The following PVT1 variants were observed in gnomAD, a reference collection of about 807,000 sequenced individuals.
PVT1 encodes Pvt1 oncogene.
intron 4 of PVT1, chr8:127,999,033 C>T (rs1202565671): frequency 6.6e-6 from 1 of 152,174 alleles, no homozygotes; most frequent in East Asian, 1.9e-4. Context: ...GCTAGATGTG[C>T]TTGAGGTGTT....
chr8:127,999,953 C>T (rs75355373), intron 4 of PVT1, among the ~76,000 whole-genome samples: 1,608 of 152,262 alleles, frequency 0.011, 13 homozygotes, highest in Middle Eastern at 0.024. Context: ...AAAGAGACTC[C>T]GAAATGTGTC....
At chr8:128,007,940 C>T (rs551433986) in intron 4 of PVT1, among the ~76,000 whole-genome samples, 18 of 152,286 alleles carry the variant, frequency 1.2e-4, no homozygotes, top group African/African-American at 4.3e-4. Context: ...ACATTTCATA[C>T]TTGTTGACAG....
chr8:128,082,444 C>T (rs745881704), intron 5 of PVT1, among the ~76,000 whole-genome samples: 1 of 152,234 alleles, frequency 6.6e-6, no homozygotes, highest in Non-Finnish European at 1.5e-5. Context: ...CTTGTGACTT[C>T]TAGCTGCAAT....
chr8:128,071,697 A>AATAT (rs1228991215), intron 5 of PVT1, among the ~76,000 whole-genome samples: 1 of 150,364 alleles, frequency 6.7e-6, no homozygotes, highest in African/African-American at 2.4e-5. Flanking sequence ...AAAATAAATA[A>AATAT]ATAAATAAAT....
chr8:128,017,371 C>T (rs546339763), intron 4 of PVT1, among the ~76,000 whole-genome samples: 19 of 152,324 alleles, frequency 1.2e-4, no homozygotes, highest in African/African-American at 3.8e-4. Context: ...AAAAATTCTG[C>T]TGCCCGGTTC....
At chr8:127,850,081 T>G (rs1815091534) in intron 2 of PVT1, among the ~76,000 whole-genome samples, 1 of 152,138 alleles carries the variant, frequency 6.6e-6, no homozygotes, top group Admixed American at 6.5e-5. Context: ...TGCATATGCA[T>G]GGGTACACAG....
chr8:127,818,150 G>C (rs2074858720), intron 2 of PVT1, among the ~76,000 whole-genome samples: 1 of 152,174 alleles, frequency 6.6e-6, no homozygotes, highest in African/African-American at 2.4e-5. Context: ...GACTTGCCCA[G>C]GTGGGATTTC....
At chr8:128,053,675 G>A (rs1813726441) in intron 4 of PVT1, among the ~76,000 whole-genome samples, 1 of 152,170 alleles carries the variant, frequency 6.6e-6, no homozygotes, top group Non-Finnish European at 1.5e-5. Flanking sequence ...TGTGAGTGAT[G>A]TGAGTTTCTT....
At chr8:127,984,873 CTTTCTTTCTTTCTT>C (rs1470398315) in intron 3 of PVT1, among the ~76,000 whole-genome samples, 6 of 83,130 alleles carry the variant, frequency 7.2e-5, no homozygotes, top group Non-Finnish European at 9.9e-5. Flanking sequence ...TTCTTTCTTT[CTTTCTTTCTTTCTT>C]TCTTTCTTTC....
intron 3 of PVT1, among the ~76,000 whole-genome samples, chr8:127,953,504 A>C (rs562365205): frequency 3.4e-4 from 52 of 152,364 alleles, no homozygotes; most frequent in African/African-American, 1.2e-3. Flanking sequence ...TTTAGTATTT[A>C]GTATTATAGT....
chr8:127,984,570 C>T lies in PVT1; in HGVS notation n.783-4592C>T, dbSNP rs1453967455. Among the ~76,000 whole-genome samples, 4 of 152,228 alleles carry T rather than the reference C, an allele frequency of 2.6e-5. No homozygotes were observed. In the South Asian group the frequency reaches 8.3e-4, roughly 31 times the overall value. ...ACTCTGCAGACACTGCAGTACAATA[C>T]TCCCATCCATCCCACCCCAGTCCAG... On this transcript the variant is annotated intron_variant and non_coding_transcript_variant, in intron 3 of 10. Coordinates refer to ENST00000651587, the Ensembl canonical transcript of PVT1.
intron 2 of PVT1, among the ~76,000 whole-genome samples, chr8:127,846,642 T>C (rs1769870834): frequency 6.6e-6 from 1 of 151,822 alleles, no homozygotes; most frequent in East Asian, 1.9e-4. Context: ...GGGAAATGGG[T>C]CTGCACAATA....
intron 2 of PVT1, among the ~76,000 whole-genome samples, chr8:127,859,275 A>G (rs1390134177): frequency 2.0e-5 from 3 of 152,228 alleles, no homozygotes; most frequent in East Asian, 3.9e-4. Flanking sequence ...ACACAGAACA[A>G]CCAGGTCTGG....
At chr8:128,099,896 G>A (rs1814480776) in intron 6 of PVT1, 1 of 151,820 alleles carries the variant, frequency 6.6e-6, no homozygotes, top group Non-Finnish European at 1.5e-5. Flanking sequence ...GGTCACTGTT[G>A]TGTTATGTGC....
At chr8:127,862,848 T>A (rs1586411546) in intron 2 of PVT1, among the ~76,000 whole-genome samples, 1 of 152,306 alleles carries the variant, frequency 6.6e-6, no homozygotes, top group Non-Finnish European at 1.5e-5. Context: ...TGTTAGCAAT[T>A]TTTTTCTCAT....
Position 127,832,836 on chromosome 8 carries a change from C to T in PVT1, n.372+36765C>T, listed in dbSNP as rs539389658. On this transcript the variant is annotated intron_variant and non_coding_transcript_variant, in intron 2 of 10. Coordinates refer to ENST00000651587, the Ensembl canonical transcript of PVT1. ...TCGCACCACTCCACTCCAGCCTGGGCGACAGAGTGAGACTCTGTTTCAAAA... is the reference window on the plus strand; with the variant it reads ...TCGCACCACTCCACTCCAGCCTGGGTGACAGAGTGAGACTCTGTTTCAAAA... 1.3e-4 allele frequency among the ~76,000 whole-genome samples: 20 copies of T among 151,056 alleles called. No individual in the cohort carries two copies. In the South Asian group the frequency reaches 3.4e-3, roughly 25 times the overall value.
At chr8:127,882,302 G>T (rs780989423) in intron 2 of PVT1, among the ~76,000 whole-genome samples, 1 of 152,064 alleles carries the variant, frequency 6.6e-6, no homozygotes, top group South Asian at 2.1e-4. Flanking sequence ...GCCTGTCAGC[G>T]GGGGGACAGC....
chr8:127,976,616 G>A (rs953445889), intron 3 of PVT1, among the ~76,000 whole-genome samples: 4 of 152,112 alleles, frequency 2.6e-5, no homozygotes, highest in Admixed American at 6.6e-5. Flanking sequence ...TAATAACACC[G>A]GCACCTACTT....
chr8:128,004,405 C>T (rs934354717), intron 4 of PVT1, among the ~76,000 whole-genome samples: 1 of 152,170 alleles, frequency 6.6e-6, no homozygotes, highest in Admixed American at 6.5e-5. Context: ...CCTTTCTCTA[C>T]ATTTGCTCAT....
Sources: gnomAD v4.1 joint callset for allele counts (sites outside exome capture counted in the v4.1 genomes callset) on GRCh38, gnomAD v4.1.1 for gene constraint, MANE v1.5 for transcripts, NCBI Gene and HGNC (gene_info 2026-07-23, HGNC 2026-07-21) for gene names.